The following PTBP3 variants were observed in gnomAD, a reference collection of about 807,000 sequenced individuals.
PTBP3 encodes the protein polypyrimidine tract binding protein 3.
PTBP3 carries 20 observed loss-of-function variants against 58.7 expected under a neutral mutation model. The ratio of observed to expected loss-of-function variants is 0.34; its 90% CI spans 0.24 to 0.50. The LOEUF (loss-of-function observed/expected upper bound fraction) is 0.50. Among genes scored for constraint, PTBP3 ranks in the 20% least tolerant of loss-of-function variants. The pLI, the probability that PTBP3 is intolerant of heterozygous loss-of-function variation, is 0.98. For synonymous variants in PTBP3, 185 were observed against 219.8 expected, an observed-to-expected ratio of 0.84 and a Z score of 1.40; for missense variants, 509 against 637.2, an observed-to-expected ratio of 0.80 and a Z score of 2.17.
chr9:112,331,082 A>AACACACACACACACACACACAC (rs10660591), intron 1 of PTBP3, among the ~76,000 whole-genome samples: 1 of 139,434 alleles, frequency 7.2e-6, no homozygotes. Context: ...GGAGGAAACG[A>AACACACACACACACACACACAC]ACACACACAC....
At chr9:112,358,033 C>T in the PTBP3 span, among the ~76,000 whole-genome samples, 17 of 151,940 alleles carry the variant, frequency 1.1e-4, no homozygotes, top group Admixed American at 7.2e-4. Flanking sequence ...TTTGGCCAGG[C>T]GCGGTGGCTC....
At chr9:112,370,308 G>A in the PTBP3 span, among the ~76,000 whole-genome samples, 1 of 152,184 alleles carries the variant, frequency 6.6e-6, no homozygotes, top group Non-Finnish European at 1.5e-5. Flanking sequence ...TTGGGAGGCT[G>A]AGGCAGGTGG....
chr9:112,369,337 G>C, the PTBP3 span, among the ~76,000 whole-genome samples: 3 of 152,216 alleles, frequency 2.0e-5, no homozygotes, highest in Admixed American at 2.0e-4. Context: ...GAAAGCAGCT[G>C]GGAGGGCGTC....
At chr9:112,333,006 G>A (rs1055971454) in intron 1 of PTBP3, 16 of 1,281,638 alleles carry the variant, frequency 1.2e-5, no homozygotes, top group Non-Finnish European at 1.4e-5. Context: ...TGCACCCGCC[G>A]TCGGCCGCTC....
chr9:112,373,605 C>A, the PTBP3 span, among the ~76,000 whole-genome samples: 2 of 152,144 alleles, frequency 1.3e-5, no homozygotes, highest in African/African-American at 4.8e-5. Context: ...CAACTTGAAC[C>A]CATACACATC....
the PTBP3 span, among the ~76,000 whole-genome samples, chr9:112,363,516 T>TCACACACACACACACACACACACA: frequency 7.4e-6 from 1 of 134,776 alleles, no homozygotes; most frequent in African/African-American, 2.8e-5. Context: ...AGCAAAACTG[T>TCACACACACACACACACACACACA]CACACACACA....
At chr9:112,360,850 ATAAT>A in the PTBP3 span, among the ~76,000 whole-genome samples, 1 of 152,200 alleles carries the variant, frequency 6.6e-6, no homozygotes, top group Non-Finnish European at 1.5e-5. Context: ...GTCTGAATAA[ATAAT>A]TTATTTCCTT....
chr9:112,295,374 T>C (rs1217804023), intron 2 of PTBP3, among the ~76,000 whole-genome samples: 2 of 149,710 alleles, frequency 1.3e-5, no homozygotes, highest in African/African-American at 4.9e-5. Flanking sequence ...GTCATTCCCA[T>C]CATTATCTAA....
In PTBP3 at chr9:112,333,590, GC is replaced by G; in HGVS notation, c.-173del. On this transcript the variant is annotated 5_prime_UTR_variant, in exon 1 of 14. Transcript: ENST00000374257. ...GACAAGCGAGCTTTGGCTCTGCGGA[GC>G]CCCGGCCGGTCCGAGGTGGAAGGAG... The G allele has an allele frequency of 7.5e-7, 1 of 1,330,744 alleles. No individual in the cohort carries two copies. The highest frequency in any genetic ancestry group is 1.5e-5 in the African/African-American group (1 of 65,998). 82.4% of individuals were successfully genotyped at this position (1,330,744 alleles called of 1,614,324 possible).
At chr9:112,240,298 ATATC>A (rs1487358378) in intron 7 of PTBP3, among the ~76,000 whole-genome samples, 9 of 152,184 alleles carry the variant, frequency 5.9e-5, no homozygotes, top group Non-Finnish European at 8.8e-5. Context: ...TATATTATGT[ATATC>A]TATCTATGTA....
chr9:112,320,314 A>ATATATATATATATATATATATATT, intron 1 of PTBP3, among the ~76,000 whole-genome samples: 13 of 75,672 alleles, frequency 1.7e-4, no homozygotes, highest in African/African-American at 2.7e-4. Context: ...ATATATATAT[A>ATATATATATATATATATATATATT]TTTTTTTTTA....
At chr9:112,315,185 T>C (rs773633972) in intron 1 of PTBP3, among the ~76,000 whole-genome samples, 1 of 151,842 alleles carries the variant, frequency 6.6e-6, no homozygotes, top group African/African-American at 2.4e-5. Flanking sequence ...CACATTCAAG[T>C]GTACACAGAA....
intron 1 of PTBP3, among the ~76,000 whole-genome samples, chr9:112,318,585 C>T (rs1829799228): frequency 6.6e-6 from 1 of 150,596 alleles, no homozygotes; most frequent in African/African-American, 2.4e-5. Flanking sequence ...TATGGTGAAA[C>T]CCCATCGTGA....
intron 10 of PTBP3, among the ~76,000 whole-genome samples, chr9:112,229,145 T>TA (rs760414459): frequency 3.3e-5 from 5 of 152,216 alleles, no homozygotes; most frequent in Admixed American, 6.5e-5. Context: ...GAATTTTTAA[T>TA]ATATAGATAA....
intron 2 of PTBP3, among the ~76,000 whole-genome samples, chr9:112,290,977 C>T (rs1166698737): frequency 6.6e-6 from 1 of 151,896 alleles, no homozygotes; most frequent in East Asian, 1.9e-4. Context: ...ATCCCAGCAC[C>T]TTGGGAGGCC....
chr9:112,362,692 G>A, the PTBP3 span: 1 of 164,644 alleles, frequency 6.1e-6, no homozygotes, highest in East Asian at 1.8e-4. Flanking sequence ...TTGATTTTTA[G>A]AGCCATCTCT....
chr9:112,220,438 A>T lies in PTBP3; in HGVS notation c.*3413T>A. 4.3e-6 allele frequency: 5 copies of T among 1,169,568 alleles called. No homozygotes were observed. The highest frequency in any genetic ancestry group is 5.4e-6 in the Non-Finnish European group (5 of 933,406). The allele number at this position is 1,169,568 out of a possible 1,614,324, so 72.4% of individuals were successfully genotyped here. On this transcript the variant is annotated 3_prime_UTR_variant, in exon 14 of 14. Transcript: ENST00000374257. ...GAGGCATTCATAGGAGCCACTTCTC[A>T]TCAACTAAAACAGAACCCATGATTA...
At chr9:112,283,349 G>C (rs1222607052) in intron 2 of PTBP3, among the ~76,000 whole-genome samples, 1 of 152,164 alleles carries the variant, frequency 6.6e-6, no homozygotes, top group Non-Finnish European at 1.5e-5. Context: ...CCAAAATGCT[G>C]ATAGTGGTAT....
At position 112,221,411 on chromosome 9, in the gene PTBP3, G is replaced by A; in HGVS notation, c.*2440C>T. 1 of 985,692 alleles carries A rather than the reference G, an allele frequency of 1.0e-6. No homozygotes were observed. Among genetic ancestry groups the A allele is most frequent in the Non-Finnish European group, 1.2e-6 (1 of 829,910 alleles). 61.1% of individuals were successfully genotyped at this position (985,692 alleles called of 1,614,324 possible). On this transcript the variant is annotated 3_prime_UTR_variant, in exon 14 of 14. Coordinates refer to ENST00000374257, the MANE Select transcript of PTBP3 (RefSeq NM_001163788.4). ...CCACTATGATCCCCTTCCGTTATTA[G>A]CAACTTTGCTACACTTATGCTGAAT...
Sources: gnomAD v4.1 joint callset for allele counts (sites outside exome capture counted in the v4.1 genomes callset) on GRCh38, gnomAD v4.1.1 for gene constraint, MANE v1.5 for transcripts, NCBI Gene and HGNC (gene_info 2026-07-23, HGNC 2026-07-21) for gene names.